The following EFL1 variants were observed in gnomAD, a reference collection of about 807,000 sequenced individuals.
The protein encoded by EFL1 is elongation factor-like GTPase 1.
A neutral mutation model predicts 126.7 loss-of-function variants in EFL1; 76 were observed. The observed-to-expected ratio is 0.60, with a 90% CI of 0.50 to 0.73. The LOEUF is 0.73. Ranked by LOEUF, EFL1 falls within the 30% of genes least tolerant of loss-of-function variation. EFL1 has a pLI of 0.00. For synonymous variants in EFL1, 410 were observed against 448.4 expected, an observed-to-expected ratio of 0.91 and a Z score of 1.08; for missense variants, 1,128 against 1,343.2, an observed-to-expected ratio of 0.84 and a Z score of 2.50.
chr15:82,201,387 G>A (rs1227363521), intron 15 of EFL1, among the ~76,000 whole-genome samples: 3 of 152,130 alleles, frequency 2.0e-5, no homozygotes, highest in African/African-American at 7.2e-5. Context: ...CCTAAGCAAA[G>A]ATAACTAACT....
chr15:82,147,756 G>A (rs1390621149), intron 18 of EFL1, among the ~76,000 whole-genome samples: 1 of 151,870 alleles, frequency 6.6e-6, no homozygotes, highest in African/African-American at 2.4e-5. Flanking sequence ...GCAGAGTAAT[G>A]AGAGTCTAAA....
At chr15:82,147,801 A>G (rs934174012) in intron 18 of EFL1, among the ~76,000 whole-genome samples, 1 of 152,088 alleles carries the variant, frequency 6.6e-6, no homozygotes, top group Non-Finnish European at 1.5e-5. Context: ...ATGACAGAAG[A>G]AGGAAGAAAG....
chr15:82,202,847 T>C (rs1410915350), intron 15 of EFL1, among the ~76,000 whole-genome samples: 1 of 151,398 alleles, frequency 6.6e-6, no homozygotes, highest in Non-Finnish European at 1.5e-5. Flanking sequence ...AGTCTTGCTC[T>C]GTCGTCCAGG....
intron 15 of EFL1, among the ~76,000 whole-genome samples, chr15:82,193,065 A>G (rs2074375432): frequency 6.6e-6 from 1 of 152,260 alleles, no homozygotes; most frequent in Admixed American, 6.5e-5. Context: ...CAAATGAGTG[A>G]AACCAAAATA....
intron 19 of EFL1, among the ~76,000 whole-genome samples, chr15:82,133,802 G>T (rs375707019): frequency 1.3e-5 from 2 of 152,190 alleles, no homozygotes; most frequent in Non-Finnish European, 2.9e-5. Context: ...AGGGTGAGAG[G>T]GGTGGTGTCT....
rs191414717 is a variant in EFL1, at chr15:82,260,179, T to C, written c.92-1024A>G. 3.0e-3 allele frequency among the ~76,000 whole-genome samples: 451 copies of C among 152,108 alleles called. 5 individuals are homozygous for C. The highest frequency in any genetic ancestry group is 0.01 in the African/African-American group (430 of 41,480). ...AGCAGCTTAACATAATTTTAAACAATACATTTAAAGTAATTTGTTACACCC... is the reference window on the plus strand; with the variant it reads ...AGCAGCTTAACATAATTTTAAACAACACATTTAAAGTAATTTGTTACACCC... On this transcript the variant is annotated intron_variant, in intron 2 of 19. Transcript: ENST00000268206.
chr15:82,254,782 A>T (rs183109418), intron 3 of EFL1, among the ~76,000 whole-genome samples: 26 of 152,312 alleles, frequency 1.7e-4, no homozygotes, highest in Admixed American at 6.5e-4. Context: ...CATTGTAGAG[A>T]ATGAAGGAAG....
At chr15:82,219,891 A>T in intron 13 of EFL1, 73 bp from the exon 14 acceptor site, 1 of 1,525,512 alleles carries the variant, frequency 6.6e-7, no homozygotes, top group Non-Finnish European at 8.8e-7. Context: ...ATATAGAAGG[A>T]GGAGTGAATA....
intron 15 of EFL1, among the ~76,000 whole-genome samples, chr15:82,210,482 A>T (rs1160707949): frequency 1.3e-5 from 2 of 152,234 alleles, no homozygotes; most frequent in African/African-American, 4.8e-5. Context: ...ACAAGGTTCC[A>T]GACAACAACT....
In EFL1 at chr15:82,147,722, C is replaced by G. The variant is rs79627282; in HGVS notation, c.2989+3743G>C. The stretch of plus-strand genomic sequence containing the variant: ...ACACACACCATAGGTTCTAGGATAA[C>G]AGACCCTAAAATAAAATTCCTTTGC... On this transcript the variant is annotated intron_variant, in intron 18 of 19. Transcript: ENST00000268206. Among the ~76,000 whole-genome samples the G allele has an allele frequency of 8.1e-3, 1,204 of 149,408 alleles. 16 individuals are homozygous for G. The highest frequency in any genetic ancestry group is 0.027 in the African/African-American group (1,095 of 40,614).
At chr15:82,226,374 G>A (rs1316222485) in intron 11 of EFL1, among the ~76,000 whole-genome samples, 3 of 152,058 alleles carry the variant, frequency 2.0e-5, no homozygotes, top group Non-Finnish European at 4.4e-5. Flanking sequence ...TCACCATGTT[G>A]GCCAGGAAGT....
chr15:82,245,311 T>A (rs1196812141), intron 4 of EFL1, among the ~76,000 whole-genome samples: 1 of 151,822 alleles, frequency 6.6e-6, no homozygotes, highest in Non-Finnish European at 1.5e-5. Context: ...AAGGGTAACT[T>A]TTATTTTTTG....
At chr15:82,150,963 A>G (rs374878190) in intron 18 of EFL1, among the ~76,000 whole-genome samples, 1 of 152,198 alleles carries the variant, frequency 6.6e-6, no homozygotes, top group Non-Finnish European at 1.5e-5. Flanking sequence ...AAAAGAAAAG[A>G]TCTTTAGTAG....
At chr15:82,132,550 G>A (rs908383296) in intron 19 of EFL1, among the ~76,000 whole-genome samples, 2 of 151,816 alleles carry the variant, frequency 1.3e-5, no homozygotes, top group Admixed American at 6.6e-5. Flanking sequence ...GCAGCCAGGG[G>A]GCACAGAGGC....
chr15:82,191,742 G>A (rs2074362145), intron 15 of EFL1, among the ~76,000 whole-genome samples: 1 of 152,088 alleles, frequency 6.6e-6, no homozygotes, highest in Non-Finnish European at 1.5e-5. Flanking sequence ...TTCACTCAGG[G>A]CCATCATGCT....
chr15:82,130,376 C>T lies in EFL1; in HGVS notation c.3360G>A (p.Lys1120=), dbSNP rs1419062403. The part of the protein sequence containing the change: ...AEKQRTLSKN[K] ...AGAATCCACCAGTAGTAGGTAGCTACTTATTTTTGCTGAGTGTCCTCTGCT... is the reference window on the plus strand; with the variant it reads ...AGAATCCACCAGTAGTAGGTAGCTATTTATTTTTGCTGAGTGTCCTCTGCT... The change falls in exon 20 of 20, where the codon AAG becomes AAA. Residue 1120 remains lysine (K), a synonymous_variant. Transcript: ENST00000268206. The T allele has an allele frequency of 6.2e-7, 1 of 1,613,938 alleles. No individual in the cohort carries two copies. Among genetic ancestry groups the T allele is most frequent in the Admixed American group, 1.7e-5 (1 of 60,000 alleles).
At chr15:82,238,616 A>G (rs1596002892) in intron 6 of EFL1, 95 bp from the exon 7 acceptor site, 2 of 1,130,138 alleles carry the variant, frequency 1.8e-6, no homozygotes, top group Admixed American at 2.2e-5. Flanking sequence ...GGCTAGAATC[A>G]TTAGTCAGTT....
intron 2 of EFL1, 44 bp downstream of exon 2, chr15:82,261,644 T>C (rs376786372): frequency 7.4e-5 from 116 of 1,558,200 alleles, no homozygotes; most frequent in East Asian, 6.7e-4. Context: ...CAGAGACACA[T>C]CTCCCTTATT....
intron 15 of EFL1, among the ~76,000 whole-genome samples, chr15:82,166,536 T>A (rs1645869954): frequency 6.6e-6 from 1 of 152,222 alleles, no homozygotes; most frequent in Non-Finnish European, 1.5e-5. Context: ...ATTAAGATGA[T>A]CTAGATGAAT....
Sources: allele counts gnomAD v4.1 joint callset (sites outside exome capture counted in the v4.1 genomes callset), GRCh38; gene constraint gnomAD v4.1.1; transcripts MANE v1.5; gene names NCBI Gene and HGNC (gene_info 2026-07-23, HGNC 2026-07-21).